The following ARRDC2 variants were observed in gnomAD, a reference collection of about 807,000 sequenced individuals.
ARRDC2 encodes arrestin domain-containing protein 2.
In ARRDC2, 39 loss-of-function variants were observed where a neutral mutation model predicts 38.9. The ratio of observed to expected loss-of-function variants is 1.00; its 90% CI spans 0.78 to 1.31. The LOEUF (loss-of-function observed/expected upper bound fraction) is 1.31. ARRDC2 is among the 50% of genes most tolerant of loss of function. ARRDC2 has a pLI of 0.00. For synonymous variants in ARRDC2, 300 were observed against 261.9 expected (o/e 1.15, Z -1.41); for missense variants, 553 against 588.4 (o/e 0.94, Z 0.62).
At chr19:18,005,748 C>T (rs1289491369), upstream of ARRDC2, among the ~76,000 whole-genome samples, 1 of 151,270 alleles carries the variant, frequency 6.6e-6, no homozygotes, top group South Asian at 2.1e-4. Flanking sequence ...CCAGACGGGG[C>T]GACTGGCTTG....
At chr19:18,004,419 GTA>G (rs1483552171), upstream of ARRDC2, among the ~76,000 whole-genome samples, 1 of 148,266 alleles carries the variant, frequency 6.7e-6, no homozygotes, top group Non-Finnish European at 1.5e-5. Context: ...GGTAAATTTT[GTA>G]TCTTTAGTAG....
At chr19:18,006,925 C>T (rs1473292667), upstream of ARRDC2, among the ~76,000 whole-genome samples, 1 of 152,218 alleles carries the variant, frequency 6.6e-6, no homozygotes, top group East Asian at 1.9e-4. Flanking sequence ...TTCCTTTCAA[C>T]TCCAAAGACC....
chr19:18,004,693 CA>C (rs112781194), upstream of ARRDC2, among the ~76,000 whole-genome samples: 258 of 126,588 alleles, frequency 2.0e-3, no homozygotes, highest in Non-Finnish European at 2.2e-3. Flanking sequence ...GACCCTGTCT[CA>C]AAAAAAAAAA....
At chr19:18,009,328 C>T in intron 3 of ARRDC2, 1 of 660,368 alleles carries the variant, frequency 1.5e-6, no homozygotes, top group Admixed American at 2.8e-5. Context: ...CTCTGAGCCT[C>T]AGATGCCTCT....
chr19:18,001,184 G>A, exon 1 of ARRDC2: 1 of 1,029,724 alleles, frequency 9.7e-7, no homozygotes, highest in South Asian at 4.8e-5. Context: ...GCCGGCCCAA[G>A]TTCGCCGGGG....
At chr19:18,011,867 A>G (rs1047880045) in intron 7 of ARRDC2, among the ~76,000 whole-genome samples, 5 of 151,094 alleles carry the variant, frequency 3.3e-5, no homozygotes, top group Non-Finnish European at 7.4e-5. Flanking sequence ...TCTCAATACT[A>G]CTACTAATAG....
Position 18,008,389 on chromosome 19 carries a change from G to C in ARRDC2, c.79G>C (p.Gly27Arg). 1 of 1,595,642 alleles carries C rather than the reference G, an allele frequency of 6.3e-7. No homozygotes were observed. The highest frequency in any genetic ancestry group is 8.5e-7 in the Non-Finnish European group (1 of 1,178,480). Residue 27 changes from glycine to arginine, a missense_variant, in exon 1 of 8, where the codon GGC (glycine) becomes CGC (arginine). This residue lies in a region of ARRDC2 where 447 missense variants were observed against 456.6 expected (regional missense o/e 0.98). Coordinates refer to ENST00000222250, the MANE Select transcript of ARRDC2 (RefSeq NM_015683.2). ...TAGVEPVFSGGQAVAGRVLLE... is the reference protein window; with the variant it reads ...TAGVEPVFSGRQAVAGRVLLE... ...GGGCGTCGAGCCCGTGTTTAGCGGCGGCCAGGCCGTGGCGGGCCGGGTGCT... is the reference window on the plus strand; with the variant it reads ...GGGCGTCGAGCCCGTGTTTAGCGGCCGCCAGGCCGTGGCGGGCCGGGTGCT...
chr19:18,005,613 GTGGGGGGCTGACCCCC>G (rs2033257304), upstream of ARRDC2, among the ~76,000 whole-genome samples: 2 of 148,822 alleles, frequency 1.3e-5, no homozygotes, highest in Admixed American at 6.7e-5. Context: ...GGCTGGCCGG[GTGGGGGGCTGACCCCC>G]CGACCTCCCT....
At chr19:18,003,663 G>C (rs547976761), upstream of ARRDC2, among the ~76,000 whole-genome samples, 1 of 99,538 alleles carries the variant, frequency 1.0e-5, no homozygotes, top group Non-Finnish European at 2.2e-5. Context: ...TTTGGGGGAC[G>C]GAGTCTCCCT....
chr19:18,001,459 C>G, exon 1 of ARRDC2: 1 of 1,270,176 alleles, frequency 7.9e-7, no homozygotes, highest in Non-Finnish European at 9.9e-7. Flanking sequence ...GGTGAAGGCG[C>G]GCGGCGGGGC....
upstream of ARRDC2, chr19:18,008,116 A>AGCGCC: frequency 1.7e-5 from 9 of 522,496 alleles, no homozygotes; most frequent in Non-Finnish European, 2.3e-5. Flanking sequence ...AGAGACGGTG[A>AGCGCC]CCCCACCCCC....
At position 18,009,850 on chromosome 19, in the gene ARRDC2, C is replaced by T. The variant is rs773728534; in HGVS notation, c.660C>T (p.Ala220=). 53 of 1,612,166 alleles carry T rather than the reference C, an allele frequency of 3.3e-5. 2 individuals carry two copies. In the Middle Eastern group the frequency reaches 4.9e-4, roughly 15 times the overall value. Residue 220 remains alanine, a synonymous_variant, in exon 5 of 8, where the codon GCC becomes GCT. Transcript: ENST00000222250. Reference sequence around the variant, plus strand: ...CACGTCCTGTGCTGCCTCGGGCAGCCGTGGTGCAGACACAGACGTTCATGG... The same window carrying T: ...CACGTCCTGTGCTGCCTCGGGCAGCTGTGGTGCAGACACAGACGTTCATGG... ...GSTRPVLPRA[A]VVQTQTFMAR... is the part of the protein sequence containing the mutation.
In ARRDC2 at chr19:18,008,223, TC is replaced by T; in HGVS notation, c.-87del. The T allele has an allele frequency of 2.0e-6, 3 of 1,522,316 alleles. No individual in the cohort carries two copies. The highest frequency in any genetic ancestry group is 2.6e-6 in the Non-Finnish European group (3 of 1,147,188). 94.3% of individuals were successfully genotyped at this position (1,522,316 alleles called of 1,614,324 possible). A position where few individuals can be genotyped will look rare whatever the true frequency, so the allele number is the denominator to read the frequency against. ...CTGCGCGTTGACGGCGATTTTGCGT[TC>T]TGAGGCTGCAGCGTCGGCATCTTGA... On this transcript the variant is annotated 5_prime_UTR_variant, in exon 1 of 8. Coordinates refer to ENST00000222250, the MANE Select transcript of ARRDC2 (RefSeq NM_015683.2).
At chr19:18,005,485 C>T (rs1156844105), upstream of ARRDC2, among the ~76,000 whole-genome samples, 4 of 152,120 alleles carry the variant, frequency 2.6e-5, no homozygotes, top group Non-Finnish European at 5.9e-5. Flanking sequence ...CATCATGGCC[C>T]GTTCTCAATG....
chr19:18,012,150 G>T (rs1168575216), intron 7 of ARRDC2, among the ~76,000 whole-genome samples: 2 of 150,178 alleles, frequency 1.3e-5, no homozygotes, highest in Non-Finnish European at 3.0e-5. Flanking sequence ...GTAGAGACGG[G>T]GTTTTGCCAT....
At chr19:18,001,679 C>G in intron 1 of ARRDC2, 1 of 1,207,684 alleles carries the variant, frequency 8.3e-7, no homozygotes, top group African/African-American at 1.6e-5. Flanking sequence ...GTCGGGTGAT[C>G]CTTTTCAAGG....
upstream of ARRDC2, among the ~76,000 whole-genome samples, chr19:18,005,350 C>T (rs1487568252): frequency 6.6e-6 from 1 of 152,088 alleles, no homozygotes; most frequent in Non-Finnish European, 1.5e-5. Context: ...AAGAATTTTT[C>T]TTAGTACAGA....
upstream of ARRDC2, among the ~76,000 whole-genome samples, chr19:18,006,545 T>C (rs958950335): frequency 2.6e-5 from 4 of 151,716 alleles, no homozygotes; most frequent in Middle Eastern, 3.4e-3. Flanking sequence ...GGCAGGGAGG[T>C]TGCAGTGAGC....
chr19:18,008,827 ATTGG>A (rs2033340640), intron 2 of ARRDC2, 50 bp downstream of exon 2: 1 of 1,605,088 alleles, frequency 6.2e-7, no homozygotes, highest in Non-Finnish European at 8.5e-7. Context: ...CCCCTTCCAG[ATTGG>A]TACCTCCAAT....
Sources: allele counts gnomAD v4.1 joint callset (sites outside exome capture counted in the v4.1 genomes callset), GRCh38; gene constraint gnomAD v4.1.1; regional missense constraint gnomAD v4.1.1; transcripts MANE v1.5; gene names NCBI Gene and HGNC (gene_info 2026-07-23, HGNC 2026-07-21).